FUNDC1: variants seen among roughly 807,000 people sequenced by gnomAD.
FUNDC1 encodes the protein FUN14 domain-containing protein 1.
A neutral mutation model predicts 14.5 loss-of-function variants in FUNDC1; 10 were observed. The ratio of observed to expected loss-of-function variants is 0.69; its 90% CI spans 0.43 to 1.17. The LOEUF (loss-of-function observed/expected upper bound fraction) is 1.17, where lower values mean the gene tolerates loss of function less well. FUNDC1 is among the 50% of genes most tolerant of loss of function. The pLI, the probability that FUNDC1 is intolerant of heterozygous loss-of-function variation, is 0.00. For synonymous variants in FUNDC1, 33 were observed against 39.7 expected (o/e 0.83, Z 0.64); for missense variants, 115 against 113.8 (o/e 1.01, Z -0.05).
At chrX:44,535,891 A>T (rs1179028091) in intron 3 of FUNDC1, among the ~76,000 whole-genome samples, 2 of 105,858 alleles carry the variant, frequency 1.9e-5, no homozygotes, top group Non-Finnish European at 3.9e-5. Flanking sequence ...GAGGCTGAGG[A>T]AAGAGAATCG....
chrX:44,537,336 C>T (rs1454951494), intron 3 of FUNDC1, among the ~76,000 whole-genome samples: 1 of 111,819 alleles, frequency 8.9e-6, no homozygotes, highest in Non-Finnish European at 1.9e-5. Flanking sequence ...TTTACACTAA[C>T]AGAAATGACA....
chrX:44,542,022 C>T lies in FUNDC1; in HGVS notation c.108G>A (p.Val36=), dbSNP rs1434784704. The T allele has an allele frequency of 8.3e-7, 1 of 1,200,041 alleles. No individual in the cohort carries two copies. Among genetic ancestry groups the T allele is most frequent in the Admixed American group, 2.2e-5 (1 of 45,702 alleles). Residue 36 remains valine, a synonymous_variant, in exon 2 of 5, where the codon GTG becomes GTA. Transcript: ENST00000378045. ...YARRHQWWNR[V]FGHSSGPMVE... ...CCATAGGTCCCGAACTGTGGCCAAACACTCGATTCCACCACTGGTGTCTTC... is the reference window on the plus strand; with the variant it reads ...CCATAGGTCCCGAACTGTGGCCAAATACTCGATTCCACCACTGGTGTCTTC...
At position 44,527,410 on chromosome X, in the gene FUNDC1, T is replaced by C. The variant is rs757731157; in HGVS notation, c.262-45A>G. 4 of 1,002,907 alleles carry C rather than the reference T, an allele frequency of 4.0e-6. No individual in the cohort carries two copies. In the Admixed American group the frequency reaches 1.1e-4, roughly 28 times the overall value. The allele number at this position is 1,002,907 out of a possible 1,213,427, so 82.7% of individuals were successfully genotyped here. On this transcript the variant is annotated intron_variant, in intron 3 of 4. Transcript: ENST00000378045. ...AATTATCAATACTATACCAACTAGG[T>C]TGCTGACTATAATAGCCAAGAATAT...
chrX:44,535,606 C>T (rs1342908669), intron 3 of FUNDC1, among the ~76,000 whole-genome samples: 1 of 93,953 alleles, frequency 1.1e-5, no homozygotes, highest in African/African-American at 4.1e-5. Context: ...GGAGGCGGAG[C>T]TTGCAGTGAG....
At chrX:44,538,173 G>A (rs1269498346) in intron 3 of FUNDC1, among the ~76,000 whole-genome samples, 1 of 111,713 alleles carries the variant, frequency 9.0e-6, no homozygotes, top group African/African-American at 3.3e-5. Flanking sequence ...CAGTAGAGAC[G>A]GGATTTCACC....
At chrX:44,532,457 A>T (rs1021286031) in intron 3 of FUNDC1, among the ~76,000 whole-genome samples, 1 of 107,300 alleles carries the variant, frequency 9.3e-6, no homozygotes, top group African/African-American at 3.4e-5. Context: ...AAGCTGGTGG[A>T]TCCTCTCATA....
At chrX:44,528,319 G>A (rs1173936016) in intron 3 of FUNDC1, among the ~76,000 whole-genome samples, 1 of 112,031 alleles carries the variant, frequency 8.9e-6, no homozygotes, top group Non-Finnish European at 1.9e-5. Context: ...TTTTGTCTGT[G>A]AATGACTCCA....
At chrX:44,534,145 T>C (rs1247209164) in intron 3 of FUNDC1, among the ~76,000 whole-genome samples, 1 of 104,796 alleles carries the variant, frequency 9.5e-6, no homozygotes, top group Non-Finnish European at 1.9e-5. Flanking sequence ...ACCAAAAAGA[T>C]AGAAGTGGAA....
intron 2 of FUNDC1, among the ~76,000 whole-genome samples, chrX:44,540,479 A>G (rs2038967494): frequency 9.1e-6 from 1 of 110,313 alleles, no homozygotes; most frequent in South Asian, 3.9e-4. Context: ...ACAAAGGCTC[A>G]GAAAAGGGAA....
At chrX:44,536,434 A>C (rs2038949669) in intron 3 of FUNDC1, among the ~76,000 whole-genome samples, 1 of 111,189 alleles carries the variant, frequency 9.0e-6, no homozygotes, top group South Asian at 3.8e-4. Flanking sequence ...ACTCCAAGTA[A>C]TCAATCTCAG....
chrX:44,539,256 G>A (rs2038961278), intron 2 of FUNDC1, among the ~76,000 whole-genome samples: 2 of 112,010 alleles, frequency 1.8e-5, no homozygotes, highest in Non-Finnish European at 1.9e-5. Flanking sequence ...TCCACACTGT[G>A]CAAATGAATC....
At chrX:44,531,085 T>C (rs1242941666) in intron 3 of FUNDC1, among the ~76,000 whole-genome samples, 1 of 108,879 alleles carries the variant, frequency 9.2e-6, no homozygotes, top group Non-Finnish European at 1.9e-5. Context: ...CTACAAAAAA[T>C]ACAAAAATTA....
At chrX:44,538,292 CT>C (rs2038956816) in intron 3 of FUNDC1, among the ~76,000 whole-genome samples, 174 bp downstream of exon 3, 1 of 112,436 alleles carries the variant, frequency 8.9e-6, no homozygotes, top group African/African-American at 3.2e-5. Flanking sequence ...TAATGGCTGT[CT>C]TTTTAATAGC....
At chrX:44,535,486 C>T (rs1261499681) in intron 3 of FUNDC1, among the ~76,000 whole-genome samples, 1 of 104,608 alleles carries the variant, frequency 9.6e-6, no homozygotes, top group Non-Finnish European at 1.9e-5. Context: ...GCTAACAGAG[C>T]AAAACCCTGT....
intron 2 of FUNDC1, among the ~76,000 whole-genome samples, chrX:44,538,947 C>T (rs1318000542): frequency 9.0e-6 from 1 of 111,260 alleles, no homozygotes; most frequent in African/African-American, 3.3e-5. Flanking sequence ...TCGGCTCCAA[C>T]CCCATTAACC....
intron 3 of FUNDC1, among the ~76,000 whole-genome samples, chrX:44,535,076 G>A (rs939363390): frequency 1.8e-5 from 2 of 111,282 alleles, no homozygotes; most frequent in Non-Finnish European, 3.8e-5. Context: ...AGCCCAGGAG[G>A]CAGAGTTTGT....
At chrX:44,525,393 T>A in intron 4 of FUNDC1, among the ~76,000 whole-genome samples, 1 of 107,281 alleles carries the variant, frequency 9.3e-6, no homozygotes, top group Non-Finnish European at 1.9e-5. Flanking sequence ...CTCTCTCTCT[T>A]ACCCAGGCTG....
At chrX:44,530,618 A>C (rs2038918520) in intron 3 of FUNDC1, among the ~76,000 whole-genome samples, 1 of 108,483 alleles carries the variant, frequency 9.2e-6, no homozygotes, top group Non-Finnish European at 1.9e-5. Flanking sequence ...AATAATAATA[A>C]TAATGATGAC....
At chrX:44,535,605 G>T (rs2038944421) in intron 3 of FUNDC1, among the ~76,000 whole-genome samples, 1 of 99,755 alleles carries the variant, frequency 1.0e-5, no homozygotes, top group African/African-American at 3.8e-5. Context: ...GGGAGGCGGA[G>T]CTTGCAGTGA....
Sources: gnomAD v4.1 joint callset for allele counts (sites outside exome capture counted in the v4.1 genomes callset) on GRCh38, gnomAD v4.1.1 for gene constraint, MANE v1.5 for transcripts, NCBI Gene and HGNC (gene_info 2026-07-23, HGNC 2026-07-21) for gene names.